KSR2: variants seen among roughly 807,000 people sequenced by gnomAD.
KSR2 encodes the protein kinase suppressor of ras 2.
A neutral mutation model predicts 107.8 loss-of-function variants in KSR2; 25 were observed. That is an observed-to-expected ratio of 0.23 (90% CI 0.17 to 0.32). KSR2 has a LOEUF of 0.32. Ranked by LOEUF, KSR2 falls within the 10% of genes least tolerant of loss-of-function variation. The pLI is 1.00. For missense variants in KSR2, 887 were observed against 1,268.9 expected (o/e 0.70, Z 4.57); for synonymous variants, 480 against 507.0 (o/e 0.95, Z 0.71).
intron 14 of KSR2, among the ~76,000 whole-genome samples, chr12:117,506,042 T>C (rs1435357145): frequency 2.0e-5 from 3 of 152,230 alleles, no homozygotes; most frequent in Middle Eastern, 3.2e-3. Context: ...GCAGCTCCAG[T>C]ACCTACTACC....
chr12:117,878,554 G>A (rs187181264), intron 1 of KSR2, among the ~76,000 whole-genome samples: 7 of 152,280 alleles, frequency 4.6e-5, no homozygotes, highest in Non-Finnish European at 1.0e-4. Context: ...GAAGTTCTGA[G>A]ACTTCCACGC....
chr12:117,792,492 TCTC>T (rs1890287252), intron 3 of KSR2, among the ~76,000 whole-genome samples: 1 of 152,224 alleles, frequency 6.6e-6, no homozygotes, highest in African/African-American at 2.4e-5. Context: ...GGAGCCTCTA[TCTC>T]AGAGGATTCT....
At chr12:117,481,058 T>C (rs1872146458) in intron 16 of KSR2, among the ~76,000 whole-genome samples, 2 of 151,946 alleles carry the variant, frequency 1.3e-5, no homozygotes, top group African/African-American at 4.8e-5. Flanking sequence ...CAAGAGATCC[T>C]GTCTCGAAAA....
At chr12:117,836,430 C>T (rs1892215952) in intron 3 of KSR2, among the ~76,000 whole-genome samples, 1 of 152,114 alleles carries the variant, frequency 6.6e-6, no homozygotes. Context: ...CCCAATTCAC[C>T]CCAGCCAAAA....
At chr12:117,582,408 G>T (rs767083191) in intron 5 of KSR2, 49 bp from the exon 6 acceptor site, 1 of 1,443,312 alleles carries the variant, frequency 6.9e-7, no homozygotes, top group Non-Finnish European at 9.8e-7. Flanking sequence ...AGAGACTGGG[G>T]TGGGCTCTGG....
At chr12:117,739,018 T>C (rs1888057346) in intron 4 of KSR2, among the ~76,000 whole-genome samples, 1 of 152,152 alleles carries the variant, frequency 6.6e-6, no homozygotes, top group Non-Finnish European at 1.5e-5. Context: ...TATTGTAGAC[T>C]TTATAAACAC....
intron 3 of KSR2, among the ~76,000 whole-genome samples, chr12:117,846,500 G>T (rs1331507011): frequency 4.6e-5 from 7 of 151,906 alleles, no homozygotes; most frequent in African/African-American, 1.7e-4. Flanking sequence ...ATGGGGTCTT[G>T]CTATGTTGCC....
intron 3 of KSR2, among the ~76,000 whole-genome samples, chr12:117,800,810 C>G (rs944562614): frequency 1.3e-5 from 2 of 151,322 alleles, no homozygotes; most frequent in Non-Finnish European, 2.9e-5. Context: ...TTCATGTGTT[C>G]TCATTGTTCA....
chr12:117,855,731 T>C lies in KSR2; in HGVS notation c.322-153A>G, dbSNP rs1893082539. Among the ~76,000 whole-genome samples the C allele has an allele frequency of 2.0e-5, 3 of 152,194 alleles. No individual in the cohort carries two copies. In the South Asian group the frequency reaches 6.2e-4, roughly 32 times the overall value. On this transcript the variant is annotated intron_variant, in intron 2 of 19. Transcript: ENST00000339824. Reference sequence around the variant, plus strand: ...CGAATCTCGGGTTTGCCACTCATTATCTAGATAACCTCTGACCAGTCGCTC... The same window carrying C: ...CGAATCTCGGGTTTGCCACTCATTACCTAGATAACCTCTGACCAGTCGCTC...
intron 3 of KSR2, among the ~76,000 whole-genome samples, chr12:117,823,437 T>C (rs1287128904): frequency 3.9e-5 from 6 of 152,106 alleles, no homozygotes; most frequent in African/African-American, 9.7e-5. Flanking sequence ...TGAGTGCATA[T>C]AGCATTTGAG....
At chr12:117,637,261 G>T (rs1883134554) in intron 5 of KSR2, among the ~76,000 whole-genome samples, 2 of 152,274 alleles carry the variant, frequency 1.3e-5, no homozygotes, top group South Asian at 2.1e-4. Flanking sequence ...TCTCAACTGG[G>T]GGTGATTTTG....
At chr12:117,844,670 A>G (rs1892632505) in intron 3 of KSR2, among the ~76,000 whole-genome samples, 1 of 152,272 alleles carries the variant, frequency 6.6e-6, no homozygotes, top group Non-Finnish European at 1.5e-5. Flanking sequence ...TAAAGAAATA[A>G]GTACACACAC....
At chr12:117,494,183 A>T (rs1200209153) in intron 14 of KSR2, among the ~76,000 whole-genome samples, 1 of 152,064 alleles carries the variant, frequency 6.6e-6, no homozygotes, top group East Asian at 1.9e-4. Context: ...CCCATCATGG[A>T]GTGACAACCA....
intron 4 of KSR2, among the ~76,000 whole-genome samples, chr12:117,726,779 G>A (rs75363440): frequency 0.054 from 8,172 of 152,174 alleles, 276 homozygotes; most frequent in African/African-American, 0.1. Context: ...CATATGCTAG[G>A]ACCTAGGGAT....
intron 14 of KSR2, among the ~76,000 whole-genome samples, chr12:117,518,826 C>A (rs1355915133): frequency 6.6e-6 from 1 of 152,240 alleles, no homozygotes; most frequent in Non-Finnish European, 1.5e-5. Context: ...TGCCTCTTGG[C>A]ATGGCCAATG....
rs975169522 is a variant in KSR2 at position 117,756,264 on chromosome 12, C to G, written c.986+4747G>C. ...TCTAGGACTCTCAGAGCTAGAGAGACGAAGTCAGTGCCTGGCTTCAAAGCT... is the reference window on the plus strand; with the variant it reads ...TCTAGGACTCTCAGAGCTAGAGAGAGGAAGTCAGTGCCTGGCTTCAAAGCT... On this transcript the variant is annotated intron_variant, in intron 4 of 19. Transcript: ENST00000339824. Among the ~76,000 whole-genome samples, 3 of 152,202 alleles carry G rather than the reference C, an allele frequency of 2.0e-5. No individual in the cohort carries two copies. The South Asian group carries it at 6.2e-4, about 32-fold the overall frequency.
Position 117,454,739 on chromosome 12 carries a change from T to C in KSR2, c.*12460A>G, listed in dbSNP as rs1047514282. On this transcript the variant is annotated 3_prime_UTR_variant, in exon 20 of 20. Transcript: ENST00000339824. ...CTTCAGGGGCCTATTCATAGAGTGA[T>C]ATGAACTGTCCCAGAAAGAGGTTTT... The C allele has an allele frequency of 1.3e-5, 2 of 152,250 alleles. No individual in the cohort carries two copies. The highest frequency in any genetic ancestry group is 4.8e-5 in the African/African-American group (2 of 41,450). 9.4% of individuals were successfully genotyped at this position (152,250 alleles called of 1,614,324 possible).
chr12:117,621,200 T>C (rs1297871479), intron 5 of KSR2, among the ~76,000 whole-genome samples: 1 of 152,176 alleles, frequency 6.6e-6, no homozygotes, highest in Non-Finnish European at 1.5e-5. Flanking sequence ...TGCTTTCACA[T>C]GCTCTCTCTT....
rs572277838 is a variant in KSR2, at chr12:117,968,458, T to G, written c.-203A>C. 1 of 1,324,862 alleles carries G rather than the reference T, an allele frequency of 7.5e-7. No homozygotes were observed. The highest frequency in any genetic ancestry group is 3.0e-5 in the East Asian group (1 of 33,766). The allele number at this position is 1,324,862 out of a possible 1,614,324, so 82.1% of individuals were successfully genotyped here. On this transcript the variant is annotated 5_prime_UTR_variant, in exon 1 of 20. Transcript: ENST00000339824. ...AAGAGCCAAAATTTATTATTTTATT[T>G]TGGGATATCAAGCGGACTCCATTAG...
Sources: allele counts gnomAD v4.1 joint callset (sites outside exome capture counted in the v4.1 genomes callset), GRCh38; gene constraint gnomAD v4.1.1; transcripts MANE v1.5; gene names NCBI Gene and HGNC (gene_info 2026-07-23, HGNC 2026-07-21).